Variants in EML6 observed in about 807,000 individuals in gnomAD.
EML6 encodes echinoderm microtubule-associated protein-like 6.
In EML6, 154 loss-of-function variants were observed where a neutral mutation model predicts 240.1. The observed-to-expected ratio is 0.64, with a 90% CI of 0.56 to 0.73. EML6 has a LOEUF of 0.73. Among genes scored for constraint, EML6 ranks in the 30% least tolerant of loss-of-function variants. EML6 has a pLI of 0.00. For synonymous variants in EML6, 1,148 were observed against 899.0 expected (o/e 1.28, Z -4.95); for missense variants, 2,964 against 2,474.6 (o/e 1.20, Z -4.20).
chr2:54,925,696 C>T (rs766026652), intron 26 of EML6, among the ~76,000 whole-genome samples: 7 of 152,094 alleles, frequency 4.6e-5, no homozygotes, highest in Non-Finnish European at 8.8e-5. Context: ...TGAGACATAC[C>T]CTATCCTTTA....
At chr2:54,849,203 A>G (rs1572998135) in intron 9 of EML6, among the ~76,000 whole-genome samples, 1 of 152,242 alleles carries the variant, frequency 6.6e-6, no homozygotes, top group East Asian at 1.9e-4. Flanking sequence ...ACATTCATAT[A>G]ATTCGTGAAG....
intron 8 of EML6, 123 bp from the exon 9 acceptor site, chr2:54,847,363 G>A (rs1407724622): frequency 4.1e-6 from 4 of 975,932 alleles, no homozygotes; most frequent in African/African-American, 1.6e-5. Flanking sequence ...AAGGGCTCTG[G>A]TGTGAAGTTC....
At position 54,855,300 on chromosome 2, in the gene EML6, A is replaced by G. The variant is rs113274280; in HGVS notation, c.1657+1445A>G. Among the ~76,000 whole-genome samples the G allele has an allele frequency of 3.5e-3, 534 of 152,224 alleles. 4 individuals are homozygous for G. The highest frequency in any genetic ancestry group is 0.012 in the African/African-American group (518 of 41,522). ...GGTGAGGGGGAGAAGGTACGTCACA[A>G]AGCCAGAGCAGGAGCAAGACAGAGC... On this transcript the variant is annotated intron_variant, in intron 11 of 41. Transcript: ENST00000356458.
chr2:54,925,634 C>T (rs1674503928), intron 26 of EML6, among the ~76,000 whole-genome samples: 1 of 152,144 alleles, frequency 6.6e-6, no homozygotes, highest in Admixed American at 6.6e-5. Flanking sequence ...TAGGTTAAAG[C>T]CTTCCCAATT....
chr2:54,876,093 A>G (rs566329188), intron 16 of EML6, among the ~76,000 whole-genome samples: 1 of 152,326 alleles, frequency 6.6e-6, no homozygotes, highest in East Asian at 1.9e-4. Flanking sequence ...TGTCACAGAC[A>G]TCCATAATTA....
At chr2:54,908,370 C>T (rs746148327) in intron 24 of EML6, among the ~76,000 whole-genome samples, 16 of 152,024 alleles carry the variant, frequency 1.1e-4, no homozygotes, top group South Asian at 2.1e-4. Flanking sequence ...CCACCATGCC[C>T]GGCTAATTTT....
chr2:54,965,273 G>A (rs756913977), intron 38 of EML6, among the ~76,000 whole-genome samples: 7 of 152,344 alleles, frequency 4.6e-5, no homozygotes, highest in Admixed American at 1.3e-4. Flanking sequence ...AGAAATCTGC[G>A]TTTGTGAGCT....
Position 54,968,091 on chromosome 2 carries a change from C to T in EML6, c.5598-37C>T, listed in dbSNP as rs763287826. ...TGACTGCAAGGAGCCTTCGCCGTGA[C>T]TTCCTTCTATCCTAACCCCTCTTTC... On this transcript the variant is annotated intron_variant, in intron 39 of 41. Transcript: ENST00000356458. 17 of 1,545,516 alleles carry T rather than the reference C, an allele frequency of 1.1e-5. 1 individual carries two copies. Among genetic ancestry groups the T allele is most frequent in the African/African-American group, 6.9e-5 (5 of 72,918 alleles).
chr2:54,965,752 C>CAA (rs1676721038), intron 38 of EML6, among the ~76,000 whole-genome samples: 1 of 152,170 alleles, frequency 6.6e-6, no homozygotes, highest in Non-Finnish European at 1.5e-5. Context: ...GCACGGTCTG[C>CAA]AAAATATCTC....
intron 2 of EML6, among the ~76,000 whole-genome samples, chr2:54,789,715 C>A (rs571911765): frequency 6.6e-6 from 1 of 152,090 alleles, no homozygotes; most frequent in East Asian, 1.9e-4. Flanking sequence ...TCATGATATC[C>A]AGAAGGGAGT....
intron 2 of EML6, among the ~76,000 whole-genome samples, chr2:54,809,079 T>C (rs73935228): frequency 0.025 from 3,739 of 152,288 alleles, 157 homozygotes; most frequent in African/African-American, 0.085. Context: ...CCAAAACTTT[T>C]TATGTAGGTG....
chr2:54,779,600 A>G (rs1160153849), intron 2 of EML6, among the ~76,000 whole-genome samples: 4 of 146,796 alleles, frequency 2.7e-5, no homozygotes, highest in African/African-American at 7.6e-5. Flanking sequence ...GGTAGCTTAC[A>G]CCTGTAATCC....
rs760183861 is a variant in EML6, at chr2:54,894,931, G to T, written c.2759G>T (p.Gly920Val). The change falls in exon 20 of 42, where the codon GGA becomes GTA. Residue 920 changes from glycine (G) to valine (V), a missense_variant. Physicochemically the swap from Gly to Val is moderately radical, Grantham distance 109 (BLOSUM62 -3). Transcript: ENST00000356458. ...YALDKGFVTG[G>V]KDGIVELWDD... ...CCTTCACAGGGCTTTGTAACAGGTG[G>T]AAAGGACGGCATCGTGGAGCTCTGG... The T allele has an allele frequency of 5.2e-6, 8 of 1,550,986 alleles. No individual in the cohort carries two copies. The highest frequency in any genetic ancestry group is 7.0e-6 in the Non-Finnish European group (8 of 1,146,560).
At chr2:54,740,308 A>C (rs1683573843) in intron 2 of EML6, among the ~76,000 whole-genome samples, 1 of 152,196 alleles carries the variant, frequency 6.6e-6, no homozygotes. Context: ...TACTTATGAA[A>C]GATGGGAATG....
At chr2:54,806,474 G>A (rs778351435) in intron 2 of EML6, among the ~76,000 whole-genome samples, 3 of 151,852 alleles carry the variant, frequency 2.0e-5, no homozygotes, top group East Asian at 1.9e-4. Context: ...ATAGCTGGGC[G>A]TGGTAGCACG....
chr2:54,914,891 C>A (rs547840187), intron 25 of EML6, among the ~76,000 whole-genome samples: 1 of 152,218 alleles, frequency 6.6e-6, no homozygotes, highest in South Asian at 2.1e-4. Flanking sequence ...CCATCTGATA[C>A]AAATGGTACA....
At chr2:54,851,448 G>A (rs992992805) in intron 10 of EML6, among the ~76,000 whole-genome samples, 3 of 152,008 alleles carry the variant, frequency 2.0e-5, no homozygotes, top group Admixed American at 6.6e-5. Flanking sequence ...TAGAAAAAAA[G>A]CCCAATGGAT....
chr2:54,957,643 G>T, intron 32 of EML6, 147 bp from the exon 33 acceptor site: 1 of 701,732 alleles, frequency 1.4e-6, no homozygotes, highest in African/African-American at 1.8e-5. Context: ...GCCACCTGGG[G>T]AATAGTGTCT....
chr2:54,745,710 A>G (rs1683881929), intron 2 of EML6, among the ~76,000 whole-genome samples: 1 of 152,078 alleles, frequency 6.6e-6, no homozygotes, highest in African/African-American at 2.4e-5. Context: ...GAGCCCAGGA[A>G]ATTGTGGCTG....
Sources: gnomAD v4.1 joint callset for allele counts (sites outside exome capture counted in the v4.1 genomes callset) on GRCh38, gnomAD v4.1.1 for gene constraint, MANE v1.5 for transcripts, NCBI Gene and HGNC (gene_info 2026-07-23, HGNC 2026-07-21) for gene names.